Variants in AMBRA1 observed in about 807,000 individuals in gnomAD.
AMBRA1 encodes autophagy and beclin 1 regulator 1, also known as activating molecule in BECN1-regulated autophagy protein 1.
AMBRA1 carries 47 observed loss-of-function variants against 125.4 expected under a neutral mutation model. That is an observed-to-expected ratio of 0.37 (90% CI 0.30 to 0.48). The LOEUF is 0.48. Among genes scored for constraint, AMBRA1 ranks in the 20% least tolerant of loss-of-function variants. The pLI is 0.99. For synonymous variants in AMBRA1, 626 were observed against 655.5 expected (o/e 0.95, Z 0.69); for missense variants, 1,331 against 1,693.4 (o/e 0.79, Z 3.76).
chr11:46,401,488 T>C (rs1945757000), intron 17 of AMBRA1, among the ~76,000 whole-genome samples: 1 of 152,118 alleles, frequency 6.6e-6, no homozygotes, highest in African/African-American at 2.4e-5. Context: ...ATCCACCCAC[T>C]TGGACCTCCC....
chr11:46,444,698 C>T, intron 11 of AMBRA1, among the ~76,000 whole-genome samples: 1 of 152,170 alleles, frequency 6.6e-6, no homozygotes, highest in East Asian at 1.9e-4. Flanking sequence ...CACATCACTG[C>T]AAAAGCATCT....
chr11:46,479,854 A>C (rs1346846764), intron 11 of AMBRA1, among the ~76,000 whole-genome samples: 1 of 152,178 alleles, frequency 6.6e-6, no homozygotes, highest in East Asian at 1.9e-4. Flanking sequence ...CCATAACAAC[A>C]AGCAGAAACT....
At chr11:46,564,140 G>A (rs761801153) in intron 1 of AMBRA1, among the ~76,000 whole-genome samples, 2 of 99,926 alleles carry the variant, frequency 2.0e-5, no homozygotes, top group African/African-American at 8.0e-5. Context: ...GCAAAACTCC[G>A]TCTCAAAAAA....
intron 11 of AMBRA1, among the ~76,000 whole-genome samples, chr11:46,447,762 AG>A: frequency 7.0e-6 from 1 of 141,970 alleles, no homozygotes; most frequent in Non-Finnish European, 1.6e-5. Context: ...ATAGATAGAT[AG>A]ATAGATAGAT....
At chr11:46,413,615 C>T (rs775827700) in intron 15 of AMBRA1, among the ~76,000 whole-genome samples, 17 of 152,146 alleles carry the variant, frequency 1.1e-4, no homozygotes, top group African/African-American at 3.1e-4. Flanking sequence ...CTCAGCCTCC[C>T]GAGTAGCTGG....
At chr11:46,481,375 G>C (rs189250939) in intron 11 of AMBRA1, among the ~76,000 whole-genome samples, 18 of 152,236 alleles carry the variant, frequency 1.2e-4, no homozygotes, top group African/African-American at 3.1e-4. Flanking sequence ...AGTCTTCTGA[G>C]CTGAACACAC....
intron 12 of AMBRA1, among the ~76,000 whole-genome samples, chr11:46,441,095 A>C (rs530095602): frequency 6.6e-6 from 1 of 152,368 alleles, no homozygotes; most frequent in East Asian, 1.9e-4. Flanking sequence ...GAATTAGTAG[A>C]CAATGGAATA....
intron 11 of AMBRA1, among the ~76,000 whole-genome samples, chr11:46,474,467 C>T (rs778387097): frequency 5.3e-5 from 8 of 152,130 alleles, no homozygotes; most frequent in Non-Finnish European, 1.0e-4. Context: ...CGGCTCACTG[C>T]AACCTCCACC....
At chr11:46,537,692 C>T (rs1952543980) in intron 7 of AMBRA1, among the ~76,000 whole-genome samples, 1 of 152,222 alleles carries the variant, frequency 6.6e-6, no homozygotes, top group African/African-American at 2.4e-5. Context: ...AAACCGTGTA[C>T]TGGTTATTAC....
chr11:46,487,001 T>C (rs1379135105), intron 11 of AMBRA1, among the ~76,000 whole-genome samples: 1 of 151,970 alleles, frequency 6.6e-6, no homozygotes, highest in African/African-American at 2.4e-5. Flanking sequence ...CTAACACCTG[T>C]AATCCCAGCA....
At chr11:46,498,234 C>G (rs766577723) in intron 9 of AMBRA1, among the ~76,000 whole-genome samples, 1 of 152,126 alleles carries the variant, frequency 6.6e-6, no homozygotes, top group Admixed American at 6.5e-5. Flanking sequence ...ACACCCTTTC[C>G]AAGGGTAATG....
intron 7 of AMBRA1, among the ~76,000 whole-genome samples, chr11:46,534,349 G>C (rs771643408): frequency 4.0e-5 from 6 of 151,762 alleles, no homozygotes; most frequent in Non-Finnish European, 5.9e-5. Context: ...AGAAAAGTTA[G>C]CCAGGCGTGG....
chr11:46,450,863 C>T (rs542363467), intron 11 of AMBRA1, among the ~76,000 whole-genome samples: 9 of 152,280 alleles, frequency 5.9e-5, no homozygotes, highest in South Asian at 2.1e-4. Context: ...CTAATGTAAA[C>T]GCATACTTTG....
intron 1 of AMBRA1, among the ~76,000 whole-genome samples, chr11:46,588,202 C>T (rs1014673754): frequency 2.2e-4 from 34 of 151,852 alleles, no homozygotes; most frequent in Non-Finnish European, 2.2e-4. Flanking sequence ...CCTGGTGGCA[C>T]GTGTCTGTAA....
rs145999549 is a variant in AMBRA1, at chr11:46,453,576, G to C, written c.2522-9978C>G. On this transcript the variant is annotated intron_variant, in intron 11 of 17. Coordinates refer to ENST00000683756, the MANE Select transcript of AMBRA1 (RefSeq NM_001387011.1). ...ATCATAAAAGGACTTAAGATAAATA[G>C]AATTATTTCCATTGTAAAGAAAAAG... 6.3e-3 allele frequency among the ~76,000 whole-genome samples: 960 copies of C among 152,264 alleles called. 10 individuals carry two copies. Among genetic ancestry groups the C allele is most frequent in the African/African-American group, 0.015 (635 of 41,552 alleles).
At position 46,543,101 on chromosome 11, in the gene AMBRA1, C is replaced by A; in HGVS notation, c.916G>T (p.Gly306Trp). The change falls in exon 7 of 18, where the codon GGG (glycine) becomes TGG (tryptophan). Residue 306 changes from glycine to tryptophan, a missense_variant. Transcript: ENST00000683756. ...CAGCGGCTGCAAAGGCACAGGATCCCAAGGTGCTGGCAGCACTCAGCTGTG... is the reference window on the plus strand; with the variant it reads ...CAGCGGCTGCAAAGGCACAGGATCCAAAGGTGCTGGCAGCACTCAGCTGTG... Reference protein sequence around the residue: ...YPTAECCQHLGILCLCSRCSG... With the variant: ...YPTAECCQHLWILCLCSRCSG... 1 of 1,584,630 alleles carries A rather than the reference C, an allele frequency of 6.3e-7. No individual in the cohort carries two copies. Among genetic ancestry groups the A allele is most frequent in the Non-Finnish European group, 8.5e-7 (1 of 1,172,332 alleles).
intron 1 of AMBRA1, among the ~76,000 whole-genome samples, chr11:46,582,321 T>G (rs988476746): frequency 3.9e-5 from 6 of 152,190 alleles, no homozygotes; most frequent in Non-Finnish European, 8.8e-5. Flanking sequence ...TAGTCTCTGC[T>G]TAAGTATCAC....
intron 14 of AMBRA1, among the ~76,000 whole-genome samples, chr11:46,423,486 G>C (rs1590764738): frequency 6.6e-6 from 1 of 152,076 alleles, no homozygotes; most frequent in East Asian, 1.9e-4. Context: ...CCACCTCCTG[G>C]GTTCATGCCA....
chr11:46,437,361 C>T (rs1327500041), intron 12 of AMBRA1, among the ~76,000 whole-genome samples: 1 of 152,222 alleles, frequency 6.6e-6, no homozygotes, highest in Non-Finnish European at 1.5e-5. Flanking sequence ...CATAACTCTT[C>T]CTGGCTACTG....
Sources: gnomAD v4.1 joint callset for allele counts (sites outside exome capture counted in the v4.1 genomes callset) on GRCh38, gnomAD v4.1.1 for gene constraint, MANE v1.5 for transcripts, NCBI Gene and HGNC (gene_info 2026-07-23, HGNC 2026-07-21) for gene names.